NEB: variants seen among roughly 807,000 people sequenced by gnomAD.
The protein encoded by NEB is nemaline myopathy type 2.
A neutral mutation model predicts 952.2 loss-of-function variants in NEB; 512 were observed. The ratio of observed to expected loss-of-function variants is 0.54; its 90% CI spans 0.50 to 0.58. The LOEUF is 0.58. NEB is among the 20% of genes least tolerant of loss of function. The pLI, the probability that NEB is intolerant of heterozygous loss-of-function variation, is 0.00. For missense variants in NEB, 8,428 were observed against 9,231.1 expected (o/e 0.91, Z 3.56); for synonymous variants, 2,900 against 3,149.8 (o/e 0.92, Z 2.66).
rs746454129 is a variant in NEB, at chr2:151,518,997, G to A, written c.22663C>T (p.His7555Tyr). The A allele has an allele frequency of 1.4e-5, 22 of 1,613,388 alleles. No individual in the cohort carries two copies. The highest frequency in any genetic ancestry group is 1.7e-5 in the Non-Finnish European group (20 of 1,179,526). The change falls in exon 155 of 182, where the codon CAT becomes TAT. Residue 7555 changes from histidine (H) to tyrosine (Y), a missense_variant. Coordinates refer to ENST00000397345, the MANE Select transcript of NEB (RefSeq NM_001164508.2). ...GCAAGTTGGCTTGTATTCAGGACATGATTCATGATCAGAGACTCCTTCATG... is the reference window on the plus strand; with the variant it reads ...GCAAGTTGGCTTGTATTCAGGACATAATTCATGATCAGAGACTCCTTCATG... ...TDMKESLIMN[H>Y]VLNTSQLASS...
intron 117 of NEB, 32 bp from the exon 118 acceptor site, chr2:151,563,962 T>C (rs1275605579): frequency 1.0e-5 from 15 of 1,504,300 alleles, no homozygotes; most frequent in African/African-American, 4.2e-5. Flanking sequence ...CAACAAAAGT[T>C]TTCTTTCAAC....
chr2:151,616,256 G>T, intron 75 of NEB, 147 bp from the exon 76 acceptor site: 1 of 537,814 alleles, frequency 1.9e-6, no homozygotes, highest in South Asian at 3.0e-5. Context: ...TTTGCCTCAT[G>T]GGTGCTTAGG....
chr2:151,729,619 CCCGG>C lies in NEB; in HGVS notation c.70_73del (p.Pro24GlufsTer4). 1 of 1,613,342 alleles carries C rather than the reference CCCGG, an allele frequency of 6.2e-7. No individual in the cohort carries two copies. Among genetic ancestry groups the C allele is most frequent in the East Asian group, 2.2e-5 (1 of 44,870 alleles). The stretch of plus-strand genomic sequence containing the variant: ...CAGCTGTGGGCTGGGCCTTACCTCT[CCCGG>C]CACCTCTTCGTAAACCACTTCTTCT... On this transcript the variant is annotated frameshift_variant, in exon 4 of 182. Coordinates refer to ENST00000397345, the MANE Select transcript of NEB (RefSeq NM_001164508.2). LOFTEE classifies it high-confidence loss of function.
At chr2:151,516,417 T>C (rs750022788) in intron 157 of NEB, 42 bp downstream of exon 157, 3 of 1,353,274 alleles carry the variant, frequency 2.2e-6, no homozygotes, top group African/African-American at 1.4e-5. Context: ...TGTTCAGTAG[T>C]GTGATGGATC....
chr2:151,576,516 ATTTTTTTTTTTTTTTTTTTT>A (rs869125440), intron 105 of NEB, among the ~76,000 whole-genome samples, 162 bp from the exon 106 acceptor site: 292 of 18,812 alleles, frequency 0.016, 2 homozygotes, highest in Middle Eastern at 0.062. Context: ...ATATATATAT[ATTTTTTTTTTTTTTTTTTTT>A]TTTTTTTTTT....
chr2:151,486,577 T>G (rs770279097), intron 181 of NEB: 1 of 152,266 alleles, frequency 6.6e-6, no homozygotes, highest in African/African-American at 2.4e-5. Context: ...TTACTCATAA[T>G]AGCCAAAAAG....
At chr2:151,642,368 A>G (rs1054644168) in intron 60 of NEB, among the ~76,000 whole-genome samples, 7 of 152,242 alleles carry the variant, frequency 4.6e-5, no homozygotes, top group Non-Finnish European at 1.0e-4. Flanking sequence ...ATGTTTTGAA[A>G]TGCATGTTGC....
intron 110 of NEB, among the ~76,000 whole-genome samples, chr2:151,568,997 C>G (rs1315740736): frequency 6.6e-6 from 1 of 152,138 alleles, no homozygotes; most frequent in African/African-American, 2.4e-5. Flanking sequence ...TCCAACGAAA[C>G]AAACTTTTCC....
intron 63 of NEB, among the ~76,000 whole-genome samples, chr2:151,637,698 A>G (rs1265481843): frequency 2.6e-5 from 4 of 152,260 alleles, no homozygotes; most frequent in Admixed American, 1.3e-4. Flanking sequence ...AGCTAGACAC[A>G]GGGGGAGCCC....
chr2:151,665,201 G>A (rs2099199080), intron 42 of NEB, 132 bp downstream of exon 42: 1 of 794,074 alleles, frequency 1.3e-6, no homozygotes, highest in Admixed American at 2.4e-5. Flanking sequence ...GGAAGCAATA[G>A]AGTCCCCCTC....
intron 45 of NEB, among the ~76,000 whole-genome samples, chr2:151,662,733 T>C (rs960779069): frequency 1.3e-5 from 2 of 152,198 alleles, no homozygotes; most frequent in Non-Finnish European, 1.5e-5. Context: ...GGTTAACAGA[T>C]GACTATGGAA....
chr2:151,537,584 C>T (rs540471929), intron 140 of NEB, among the ~76,000 whole-genome samples: 2 of 152,298 alleles, frequency 1.3e-5, no homozygotes, highest in South Asian at 4.1e-4. Context: ...GAAGTTGTCA[C>T]TTCATTGGAT....
chr2:151,657,148 G>A (rs2099094255), intron 48 of NEB, among the ~76,000 whole-genome samples: 1 of 152,112 alleles, frequency 6.6e-6, no homozygotes, highest in African/African-American at 2.4e-5. Flanking sequence ...GTAGAAGCTA[G>A]TAGAGCCAAA....
At chr2:151,617,217 A>G (rs1321057436) in intron 75 of NEB, 147 bp downstream of exon 75, 2 of 520,700 alleles carry the variant, frequency 3.8e-6, no homozygotes, top group Non-Finnish European at 6.7e-6. Flanking sequence ...CAAAGCTCAA[A>G]ATTGAATCAA....
chr2:151,708,752 C>T (rs1254976743), intron 12 of NEB, among the ~76,000 whole-genome samples: 3 of 152,176 alleles, frequency 2.0e-5, no homozygotes, highest in Admixed American at 1.3e-4. Flanking sequence ...TGAAGATGAG[C>T]TCTTGTCTGT....
intron 54 of NEB, among the ~76,000 whole-genome samples, chr2:151,647,567 A>G (rs941866579): frequency 1.3e-5 from 2 of 152,240 alleles, no homozygotes; most frequent in African/African-American, 4.8e-5. Flanking sequence ...TAGTAATAGA[A>G]CAAATTGATA....
chr2:151,674,070 C>T (rs75299359), intron 36 of NEB, among the ~76,000 whole-genome samples: 1,558 of 152,232 alleles, frequency 0.01, 33 homozygotes, highest in East Asian at 0.065. Context: ...GTGGACTTTT[C>T]CCTCTTTGGT....
chr2:151,662,135 T>C lies in NEB; in HGVS notation c.5970A>G (p.Glu1990=). ...LAQNNAKIMN[E]HLYKQAWEAD... ...AACACTGCATTATTGAAAGACTTAC[T>C]TCGTTCATAATTTTTGCATTATTCT... The change falls in exon 46 of 182, where the codon GAA becomes GAG. Residue 1990 remains glutamate (E), a splice_region_variant and synonymous_variant. Coordinates refer to ENST00000397345, the MANE Select transcript of NEB (RefSeq NM_001164508.2). 1 of 1,609,262 alleles carries C rather than the reference T, an allele frequency of 6.2e-7. No homozygotes were observed. The highest frequency in any genetic ancestry group is 8.5e-7 in the Non-Finnish European group (1 of 1,176,242).
chr2:151,503,973 CTTTACCTGAAAT>C (rs1041947675), intron 165 of NEB, among the ~76,000 whole-genome samples: 4 of 152,118 alleles, frequency 2.6e-5, no homozygotes, highest in Non-Finnish European at 5.9e-5. Flanking sequence ...GGAAGAGCAT[CTTTACCTGAAAT>C]TTTTACTGCT....
Sources: gnomAD v4.1 joint callset for allele counts (sites outside exome capture counted in the v4.1 genomes callset) on GRCh38, gnomAD v4.1.1 for gene constraint, MANE v1.5 for transcripts, NCBI Gene and HGNC (gene_info 2026-07-23, HGNC 2026-07-21) for gene names.